Variants in COL6A6 observed in about 807,000 individuals in gnomAD.
The protein encoded by COL6A6 is collagen alpha-6(VI) chain.
Under a neutral mutation model 208.6 loss-of-function variants are expected in COL6A6, and 183 were observed. The observed-to-expected ratio is 0.88, with a 90% CI of 0.78 to 0.99. The LOEUF (loss-of-function observed/expected upper bound fraction) is 0.99. Ranked by LOEUF, COL6A6 falls within the 50% of genes least tolerant of loss-of-function variation. COL6A6 has a pLI of 0.00. For missense variants in COL6A6, 2,816 were observed against 2,815.2 expected (o/e 1.00, Z -0.01); for synonymous variants, 973 against 1,011.8 (o/e 0.96, Z 0.73).
At chr3:130,667,632 C>CTGGT (rs748031226) in intron 36 of COL6A6, among the ~76,000 whole-genome samples, 14 of 152,048 alleles carry the variant, frequency 9.2e-5, no homozygotes, top group Non-Finnish European at 1.9e-4. Context: ...AACATTTCAC[C>CTGGT]TGGTGGTTTT....
At chr3:130,576,030 A>T in intron 8 of COL6A6, among the ~76,000 whole-genome samples, 1 of 151,940 alleles carries the variant, frequency 6.6e-6, no homozygotes, top group East Asian at 1.9e-4. Flanking sequence ...GGCTTCTTAG[A>T]TGGGAGATCA....
chr3:130,597,562 G>T (rs1424833760), intron 18 of COL6A6, among the ~76,000 whole-genome samples: 1 of 152,200 alleles, frequency 6.6e-6, no homozygotes, highest in African/African-American at 2.4e-5. Flanking sequence ...GATAATTGTT[G>T]TCCTCTCTCA....
intron 31 of COL6A6, 136 bp downstream of exon 31, chr3:130,643,159 G>A: frequency 1.1e-6 from 1 of 876,248 alleles, no homozygotes; most frequent in Non-Finnish European, 1.8e-6. Context: ...TTTTGAGTCA[G>A]CATAGACTGG....
At position 130,571,682 on chromosome 3, in the gene COL6A6, C is replaced by CT. The variant is rs1411181378; in HGVS notation, c.2977+298dup. On this transcript the variant is annotated intron_variant, in intron 7 of 36. Coordinates refer to ENST00000358511, the MANE Select transcript of COL6A6 (RefSeq NM_001102608.3). ...GTTGTTTTGTTTTGTTTTGTTTTGGCTTTTTTTTTAAAGACAGGGTCTTGC... is the reference window on the plus strand; with the variant it reads ...GTTGTTTTGTTTTGTTTTGTTTTGGCTTTTTTTTTTAAAGACAGGGTCTTGC... Among the ~76,000 whole-genome samples, 34 of 150,510 alleles carry CT rather than the reference C, an allele frequency of 2.3e-4. 1 individual carries two copies. Among genetic ancestry groups the CT allele is most frequent in the African/African-American group, 6.1e-4 (25 of 41,062 alleles).
chr3:130,613,027 T>C (rs999965078), intron 23 of COL6A6, among the ~76,000 whole-genome samples: 8 of 152,218 alleles, frequency 5.3e-5, no homozygotes, highest in African/African-American at 1.4e-4. Context: ...TTTAGCTTAA[T>C]TGGGTCTGTC....
intron 1 of COL6A6, among the ~76,000 whole-genome samples, chr3:130,554,705 A>G (rs964930704): frequency 2.6e-5 from 4 of 152,060 alleles, no homozygotes; most frequent in African/African-American, 9.7e-5. Context: ...ACCTGTGGAG[A>G]AGGGGAGGTG....
intron 16 of COL6A6, 21 bp from the exon 17 acceptor site, chr3:130,593,178 C>T (rs569174982): frequency 1.2e-6 from 2 of 1,612,294 alleles, no homozygotes; most frequent in East Asian, 2.2e-5. Context: ...CTATTAATAG[C>T]TTTCCCTTCT....
chr3:130,591,128 C>T, intron 13 of COL6A6, 34 bp downstream of exon 13: 1 of 1,454,506 alleles, frequency 6.9e-7, no homozygotes, highest in Non-Finnish European at 9.5e-7. Flanking sequence ...TCCATTTATC[C>T]CTAAAAACAT....
At chr3:130,650,460 A>C (rs1038886543) in intron 33 of COL6A6, among the ~76,000 whole-genome samples, 1 of 152,164 alleles carries the variant, frequency 6.6e-6, no homozygotes. Flanking sequence ...GTCTCTACTA[A>C]AAATACAAAA....
At chr3:130,608,569 A>T (rs2064254987) in intron 21 of COL6A6, among the ~76,000 whole-genome samples, 1 of 151,974 alleles carries the variant, frequency 6.6e-6, no homozygotes. Context: ...ATGTGAACTA[A>T]ATTTTGAGTG....
intron 24 of COL6A6, among the ~76,000 whole-genome samples, chr3:130,622,718 G>A (rs538219716): frequency 3.7e-4 from 56 of 152,082 alleles, no homozygotes; most frequent in Middle Eastern, 3.4e-3. Flanking sequence ...TTAGCCGGGC[G>A]AGGTGGCGGG....
At chr3:130,527,250 T>G (rs2061980835) in intron 1 of COL6A6, among the ~76,000 whole-genome samples, 1 of 152,224 alleles carries the variant, frequency 6.6e-6, no homozygotes, top group Admixed American at 6.5e-5. Context: ...TATTACACTT[T>G]TTTCTCTTCT....
At chr3:130,549,269 A>G (rs2062589996) in intron 1 of COL6A6, among the ~76,000 whole-genome samples, 1 of 152,160 alleles carries the variant, frequency 6.6e-6, no homozygotes, top group Non-Finnish European at 1.5e-5. Context: ...TCCTGGGCAC[A>G]AGTACTTCTT....
Position 130,665,051 on chromosome 3 carries a change from G to C in COL6A6, c.6551G>C (p.Arg2184Thr), listed in dbSNP as rs1559803007. The change falls in exon 36 of 37, where the codon AGA becomes ACA. Residue 2184 changes from arginine (R) to threonine (T), a missense_variant. Arg to Thr is a moderately conservative substitution (Grantham distance 71, BLOSUM62 -1). Coordinates refer to ENST00000358511, the MANE Select transcript of COL6A6 (RefSeq NM_001102608.3). ...ATAAACTTAAAAATAAAGTGCAACA[G>C]ACTTAACTCTATAGATCCAAAGCAG... is the stretch of plus-strand genomic sequence containing the variant. Reference protein sequence around the residue: ...PPINLKIKCNRLNSIDPKQPP... With the variant: ...PPINLKIKCNTLNSIDPKQPP... The C allele has an allele frequency of 6.2e-7, 1 of 1,610,710 alleles. No homozygotes were observed. Among genetic ancestry groups the C allele is most frequent in the South Asian group, 1.1e-5 (1 of 90,078 alleles).
chr3:130,658,830 AC>A lies in COL6A6; in HGVS notation c.5830+59del, dbSNP rs566403218. 437 of 1,241,762 alleles carry A rather than the reference AC, an allele frequency of 3.5e-4. 6 individuals are homozygous for A. In the South Asian group the frequency reaches 5.3e-3, roughly 15 times the overall value. 76.9% of individuals were successfully genotyped at this position (1,241,762 alleles called of 1,614,324 possible). ...GGCCTATTAAGCATGATGAGTCACC[AC>A]TGGCAGGGGCAACTGGAACTTGGCA... On this transcript the variant is annotated intron_variant, in intron 34 of 36. Transcript: ENST00000358511.
chr3:130,560,451 T>C, intron 2 of COL6A6, 23 bp downstream of exon 2: 1 of 1,587,046 alleles, frequency 6.3e-7, no homozygotes, highest in East Asian at 2.2e-5. Flanking sequence ...TGGAAAGAAT[T>C]CTTAATTTTG....
chr3:130,547,301 A>G (rs4462941), intron 1 of COL6A6, among the ~76,000 whole-genome samples: 120,558 of 152,040 alleles, frequency 0.79, 48,561 homozygotes, highest in Non-Finnish European at 0.86. Context: ...CTGCTGGCCC[A>G]GGTGCTAAGC....
At chr3:130,543,428 C>T (rs1405257708) in intron 1 of COL6A6, among the ~76,000 whole-genome samples, 1 of 151,974 alleles carries the variant, frequency 6.6e-6, no homozygotes, top group Non-Finnish European at 1.5e-5. Context: ...TTTTATCTTC[C>T]ATTCTTTGTC....
intron 33 of COL6A6, among the ~76,000 whole-genome samples, chr3:130,654,037 G>A (rs1207983956): frequency 2.6e-5 from 4 of 152,176 alleles, no homozygotes; most frequent in African/African-American, 9.7e-5. Flanking sequence ...TAGAATAGAA[G>A]ACTAATTAGC....
Sources: allele counts gnomAD v4.1 joint callset (sites outside exome capture counted in the v4.1 genomes callset), GRCh38; gene constraint gnomAD v4.1.1; transcripts MANE v1.5; gene names NCBI Gene and HGNC (gene_info 2026-07-23, HGNC 2026-07-21).